The following FSHR variants were observed in gnomAD, a reference collection of about 807,000 sequenced individuals.
FSHR encodes the protein follicle stimulating hormone receptor.
In FSHR, 46 loss-of-function variants were observed where a neutral mutation model predicts 52.1. That is an observed-to-expected ratio of 0.88 (90% CI 0.70 to 1.13). The LOEUF is 1.13. Among genes scored for constraint, FSHR ranks in the 50% most tolerant of loss-of-function variants. The probability of loss-of-function intolerance (pLI) is 0.00; values close to 1 mark genes in which losing one functional copy is unlikely to be tolerated. For synonymous variants in FSHR, 399 were observed against 309.6 expected (o/e 1.29, Z -3.03); for missense variants, 964 against 834.6 (o/e 1.16, Z -1.91).
Position 49,020,122 on chromosome 2 carries a change from G to A in FSHR, c.263C>T (p.Ala88Val), listed in dbSNP as rs145775250. 4 of 1,613,538 alleles carry A rather than the reference G, an allele frequency of 2.5e-6. No homozygotes were observed. In the African/African-American group the frequency reaches 5.3e-5, roughly 22 times the overall value. The change falls in exon 3 of 10, where the codon GCA becomes GTA. Residue 88 changes from alanine (A) to valine (V), a missense_variant. Physicochemically the swap from Ala to Val is moderately conservative, Grantham distance 64 (BLOSUM62 0). Coordinates refer to ENST00000406846, the MANE Select transcript of FSHR (RefSeq NM_000145.4). ...SQNDVLEVIE[A>V]DVFSNLPKLH... ...TTTGGGAAGGTTGGAGAACACATCTGCCTCTATCACCTCCAAGACATCATT... is the reference window on the plus strand; with the variant it reads ...TTTGGGAAGGTTGGAGAACACATCTACCTCTATCACCTCCAAGACATCATT...
chr2:49,050,779 A>T (rs1668827745), intron 2 of FSHR, among the ~76,000 whole-genome samples: 1 of 152,150 alleles, frequency 6.6e-6, no homozygotes, highest in Admixed American at 6.6e-5. Context: ...ATAATTTGAC[A>T]AATAATAAAA....
chr2:49,048,069 A>G (rs1668722030), intron 2 of FSHR, among the ~76,000 whole-genome samples: 1 of 152,068 alleles, frequency 6.6e-6, no homozygotes, highest in Non-Finnish European at 1.5e-5. Context: ...AATTTTTAGT[A>G]GAGATGGGCT....
intron 1 of FSHR, among the ~76,000 whole-genome samples, chr2:49,152,705 T>G (rs896405892): frequency 6.6e-6 from 1 of 152,108 alleles, no homozygotes; most frequent in Non-Finnish European, 1.5e-5. Flanking sequence ...ATGGAAACAT[T>G]GGAAAAAGTG....
intron 6 of FSHR, among the ~76,000 whole-genome samples, chr2:48,986,519 T>G (rs543910933): frequency 8.5e-5 from 13 of 152,204 alleles, no homozygotes; most frequent in East Asian, 5.8e-4. Context: ...TTACATGATT[T>G]TATTGTCTAT....
chr2:49,092,954 C>T (rs1470543784), intron 1 of FSHR, among the ~76,000 whole-genome samples: 1 of 152,230 alleles, frequency 6.6e-6, no homozygotes, highest in Non-Finnish European at 1.5e-5. Context: ...GCATGAGCCA[C>T]CACACCCAGC....
At chr2:49,123,611 G>A (rs1181644241) in intron 1 of FSHR, among the ~76,000 whole-genome samples, 1 of 152,104 alleles carries the variant, frequency 6.6e-6, no homozygotes, top group Non-Finnish European at 1.5e-5. Flanking sequence ...GCCTCACATT[G>A]TTCCCCATAC....
At chr2:49,048,505 C>A (rs751547884) in intron 2 of FSHR, among the ~76,000 whole-genome samples, 33 of 152,318 alleles carry the variant, frequency 2.2e-4, no homozygotes, top group South Asian at 6.2e-4. Context: ...GGAAACAGAG[C>A]AAACATGCTG....
At chr2:49,105,857 T>C (rs1648988282) in intron 1 of FSHR, among the ~76,000 whole-genome samples, 2 of 152,142 alleles carry the variant, frequency 1.3e-5, no homozygotes, top group Non-Finnish European at 2.9e-5. Flanking sequence ...TGATGGAAGT[T>C]GAAGAACACT....
chr2:49,048,252 T>C (rs1668730244), intron 2 of FSHR, among the ~76,000 whole-genome samples: 1 of 135,138 alleles, frequency 7.4e-6, no homozygotes, highest in Admixed American at 7.7e-5. Flanking sequence ...AAAGAAAAAG[T>C]TGAGGATGAT....
chr2:49,042,101 C>T (rs545134191), intron 2 of FSHR, among the ~76,000 whole-genome samples: 1 of 152,290 alleles, frequency 6.6e-6, no homozygotes, highest in African/African-American at 2.4e-5. Context: ...GCTGTGATTA[C>T]ATCCTGCCCA....
intron 1 of FSHR, among the ~76,000 whole-genome samples, chr2:49,116,656 C>A (rs1671610369): frequency 6.6e-6 from 1 of 152,044 alleles, no homozygotes; most frequent in Non-Finnish European, 1.5e-5. Flanking sequence ...ATGTATGTAG[C>A]CAATAGCTTT....
chr2:49,010,924 TC>T (rs1172630593), intron 4 of FSHR, among the ~76,000 whole-genome samples: 1 of 152,120 alleles, frequency 6.6e-6, no homozygotes, highest in East Asian at 1.9e-4. Context: ...TCTCTTTTCT[TC>T]TTTATTAGTC....
intron 8 of FSHR, among the ~76,000 whole-genome samples, chr2:48,971,112 A>C (rs1179841220): frequency 6.6e-6 from 1 of 152,180 alleles, no homozygotes; most frequent in Non-Finnish European, 1.5e-5. Flanking sequence ...TCTTAGGATG[A>C]AGGACAAGTC....
intron 4 of FSHR, among the ~76,000 whole-genome samples, chr2:48,990,838 A>T (rs937389920): frequency 7.9e-5 from 12 of 152,124 alleles, no homozygotes; most frequent in African/African-American, 2.7e-4. Flanking sequence ...GATTCCTCAG[A>T]GAAAAGAAAC....
chr2:49,011,495 T>A lies in FSHR; in HGVS notation c.374+5994A>T, dbSNP rs1044515771. The stretch of plus-strand genomic sequence containing the variant: ...AGGTGTGGTGTGGTGCTGAAAAAAA[T>A]ATATATTCTGTTGATTTGGGGTGGA... On this transcript the variant is annotated intron_variant, in intron 4 of 9. Transcript: ENST00000406846. Among the ~76,000 whole-genome samples the A allele has an allele frequency of 1.4e-4, 22 of 152,236 alleles. 1 individual carries two copies. The highest frequency in any genetic ancestry group is 4.8e-4 in the African/African-American group (20 of 41,540).
chr2:48,966,236 T>C (rs1010926943), intron 9 of FSHR, among the ~76,000 whole-genome samples: 38 of 152,314 alleles, frequency 2.5e-4, no homozygotes, highest in African/African-American at 8.4e-4. Context: ...TGGTTACTTA[T>C]GGAATTCTTG....
At chr2:49,131,501 CTA>C (rs1269888344) in intron 1 of FSHR, among the ~76,000 whole-genome samples, 9 of 152,262 alleles carry the variant, frequency 5.9e-5, no homozygotes, top group Non-Finnish European at 1.5e-5. Context: ...AAGGCAGAGT[CTA>C]TATTCAGTTT....
chr2:49,117,048 A>T (rs62162138), intron 1 of FSHR, among the ~76,000 whole-genome samples: 23,940 of 152,198 alleles, frequency 0.16, 1,867 homozygotes, highest in Middle Eastern at 0.24. Context: ...TGGCCCCAGC[A>T]CTTTGTGAGC....
intron 4 of FSHR, among the ~76,000 whole-genome samples, chr2:48,994,970 A>T (rs959597341): frequency 6.6e-6 from 1 of 152,126 alleles, no homozygotes; most frequent in Non-Finnish European, 1.5e-5. Flanking sequence ...GGGTCCTGTA[A>T]TTGCTGGGAA....
Sources: allele counts gnomAD v4.1 joint callset (sites outside exome capture counted in the v4.1 genomes callset), GRCh38; gene constraint gnomAD v4.1.1; transcripts MANE v1.5; gene names NCBI Gene and HGNC (gene_info 2026-07-23, HGNC 2026-07-21).